Variants in ADGRV1 observed in about 807,000 individuals in gnomAD.
ADGRV1 encodes adhesion G protein-coupled receptor V1.
A neutral mutation model predicts 596.2 loss-of-function variants in ADGRV1; 359 were observed. The observed-to-expected ratio is 0.60, with a 90% CI of 0.55 to 0.66. ADGRV1 has a LOEUF of 0.66. Among genes scored for constraint, ADGRV1 ranks in the 30% least tolerant of loss-of-function variants. The probability of loss-of-function intolerance (pLI) is 0.00; values close to 1 mark genes in which losing one functional copy is unlikely to be tolerated. For synonymous variants in ADGRV1, 2,681 were observed against 2,679.2 expected (o/e 1.00, Z -0.02); for missense variants, 7,274 against 7,575.6 (o/e 0.96, Z 1.48).
chr5:90,783,421 A>G, intron 66 of ADGRV1, 96 bp downstream of exon 66: 1 of 850,414 alleles, frequency 1.2e-6, no homozygotes, highest in Admixed American at 2.1e-5. Flanking sequence ...ACTTTAGATA[A>G]TATGTGTCCA....
At chr5:90,985,158 A>T (rs1780384821) in intron 84 of ADGRV1, among the ~76,000 whole-genome samples, 186 bp from the exon 85 acceptor site, 1 of 152,230 alleles carries the variant, frequency 6.6e-6, no homozygotes, top group Non-Finnish European at 1.5e-5. Context: ...AGGTATCCTG[A>T]ATTTCTTGGA....
At chr5:90,579,469 G>T (rs1273808692) in intron 1 of ADGRV1, among the ~76,000 whole-genome samples, 1 of 152,222 alleles carries the variant, frequency 6.6e-6, no homozygotes, top group Non-Finnish European at 1.5e-5. Context: ...TGGTCTGAGA[G>T]ACAGTTTGTT....
chr5:90,819,302 C>T (rs997709464), intron 75 of ADGRV1, among the ~76,000 whole-genome samples: 1 of 151,430 alleles, frequency 6.6e-6, no homozygotes, highest in African/African-American at 2.5e-5. Context: ...TGATTCTTCT[C>T]TCTTTTTTTC....
intron 1 of ADGRV1, among the ~76,000 whole-genome samples, chr5:90,577,597 T>C (rs1740331982): frequency 6.6e-6 from 1 of 152,204 alleles, no homozygotes; most frequent in African/African-American, 2.4e-5. Context: ...CTTGACAATG[T>C]GGGCTCTTTT....
At chr5:90,733,536 T>C (rs936578165) in intron 50 of ADGRV1, among the ~76,000 whole-genome samples, 3 of 152,188 alleles carry the variant, frequency 2.0e-5, no homozygotes, top group Admixed American at 2.0e-4. Context: ...AATTTTTCCC[T>C]TAGGTGCCCA....
intron 1 of ADGRV1, among the ~76,000 whole-genome samples, chr5:90,595,026 G>A (rs1205960248): frequency 5.8e-5 from 8 of 138,856 alleles, no homozygotes; most frequent in African/African-American, 1.7e-4. Context: ...GGTGGTGGCC[G>A]GGCAGAGGGG....
chr5:90,784,899 C>T (rs994942033), intron 67 of ADGRV1, among the ~76,000 whole-genome samples: 1 of 152,094 alleles, frequency 6.6e-6, no homozygotes, highest in African/African-American at 2.4e-5. Context: ...TGACTTTCTT[C>T]AAGGAATTGG....
chr5:91,049,780 A>G (rs569693953), intron 85 of ADGRV1, among the ~76,000 whole-genome samples: 1 of 152,348 alleles, frequency 6.6e-6, no homozygotes, highest in South Asian at 2.1e-4. Flanking sequence ...GATGAAAGAA[A>G]CAAACTGGTT....
intron 83 of ADGRV1, among the ~76,000 whole-genome samples, chr5:90,951,702 T>C (rs1278180715): frequency 6.6e-6 from 1 of 152,166 alleles, no homozygotes; most frequent in African/African-American, 2.4e-5. Flanking sequence ...TATTTCTAAA[T>C]AAGTTAGAAT....
chr5:91,004,236 T>A (rs962161993), intron 85 of ADGRV1, among the ~76,000 whole-genome samples: 2 of 152,282 alleles, frequency 1.3e-5, no homozygotes, highest in East Asian at 3.9e-4. Flanking sequence ...TCTTCCTGCA[T>A]GAATGATAAT....
intron 21 of ADGRV1, among the ~76,000 whole-genome samples, chr5:90,664,752 G>A (rs1437056429): frequency 7.9e-6 from 1 of 126,622 alleles, no homozygotes; most frequent in African/African-American, 3.2e-5. Context: ...CTGTGGGTTT[G>A]TCATAGATAG....
intron 85 of ADGRV1, among the ~76,000 whole-genome samples, chr5:90,986,424 C>T: frequency 6.6e-6 from 1 of 152,054 alleles, no homozygotes; most frequent in South Asian, 2.1e-4. Context: ...AGAATTATTG[C>T]TTATGATCAA....
chr5:90,647,528 A>T lies in ADGRV1; in HGVS notation c.3053A>T (p.Glu1018Val), dbSNP rs1430830746. ...EPRVVRVQEG[E>V]TANFTVLRNG... is the part of the protein sequence containing the mutation. ...CGTGTAGTGAGGGTTCAGGAAGGTG[A>T]GACTGCCAACTTTACAGTTCTCAGA... The change falls in exon 17 of 90, where the codon GAG becomes GTG. Residue 1018 changes from glutamate to valine, a missense_variant. Physicochemically the swap from Glu to Val is moderately radical, Grantham distance 121. Around this residue, in one of 5 missense-constraint regions of ADGRV1, gnomAD observed 1,715 missense variants for 1,708.8 expected, o/e 1.00. Transcript: ENST00000405460. 4 of 1,613,514 alleles carry T rather than the reference A, an allele frequency of 2.5e-6. No homozygotes were observed. The highest frequency in any genetic ancestry group is 3.4e-6 in the Non-Finnish European group (4 of 1,179,514).
chr5:90,958,067 G>T (rs1375407848), intron 83 of ADGRV1, among the ~76,000 whole-genome samples: 1 of 151,720 alleles, frequency 6.6e-6, no homozygotes, highest in African/African-American at 2.4e-5. Flanking sequence ...CCTGAGCTCA[G>T]GATTGCAAGA....
intron 83 of ADGRV1, among the ~76,000 whole-genome samples, chr5:90,951,255 T>C (rs1017146133): frequency 1.3e-5 from 2 of 152,188 alleles, no homozygotes; most frequent in Non-Finnish European, 2.9e-5. Flanking sequence ...AGAATGCTTG[T>C]TTTCCAAAAC....
In ADGRV1 at chr5:90,692,491, A is replaced by G; in HGVS notation, c.6952-114A>G. 5.3e-6 allele frequency: 4 copies of G among 752,364 alleles called. No homozygotes were observed. The South Asian group carries it at 8.3e-5, about 16-fold the overall frequency. The allele number at this position is 752,364 out of a possible 1,614,324, so 46.6% of individuals were successfully genotyped here. On this transcript the variant is annotated intron_variant, in intron 31 of 89. Coordinates refer to ENST00000405460, the MANE Select transcript of ADGRV1 (RefSeq NM_032119.4). ...AGTTCTTTTAGTCCATTTATATTTCATTCCATTTTGTTCTTGTACTTGTAT... is the reference window on the plus strand; with the variant it reads ...AGTTCTTTTAGTCCATTTATATTTCGTTCCATTTTGTTCTTGTACTTGTAT...
rs563099232 is a variant in ADGRV1 at position 90,705,070 on chromosome 5, A to C, written c.8387-330A>C. 3.9e-5 allele frequency among the ~76,000 whole-genome samples: 6 copies of C among 152,222 alleles called. No homozygotes were observed. The South Asian group carries it at 1.0e-3, about 26-fold the overall frequency. On this transcript the variant is annotated intron_variant, in intron 36 of 89. Coordinates refer to ENST00000405460, the MANE Select transcript of ADGRV1 (RefSeq NM_032119.4). The stretch of plus-strand genomic sequence containing the variant: ...TGATCCGCCTGTCTCGCCCTCCCAA[A>C]GTGCTGGGATTACAGGCGTGAGCCA...
chr5:90,727,113 G>C (rs1229954476), intron 48 of ADGRV1, among the ~76,000 whole-genome samples: 1 of 151,954 alleles, frequency 6.6e-6, no homozygotes, highest in Non-Finnish European at 1.5e-5. Flanking sequence ...GGGGGGATGG[G>C]GTCTGGCTCT....
intron 21 of ADGRV1, among the ~76,000 whole-genome samples, chr5:90,672,119 C>T (rs185989164): frequency 2.3e-4 from 35 of 151,236 alleles, no homozygotes; most frequent in South Asian, 8.4e-4. Flanking sequence ...ACCCTCTACC[C>T]CAACCCCCAC....
Sources: allele counts gnomAD v4.1 joint callset (sites outside exome capture counted in the v4.1 genomes callset), GRCh38; gene constraint gnomAD v4.1.1; regional missense constraint gnomAD v4.1.1; transcripts MANE v1.5; gene names NCBI Gene and HGNC (gene_info 2026-07-23, HGNC 2026-07-21).